The following SLC39A10 variants were observed in gnomAD, a reference collection of about 807,000 sequenced individuals.
SLC39A10 encodes solute carrier family 39 member 10.
SLC39A10 carries 13 observed loss-of-function variants against 65.1 expected under a neutral mutation model. The ratio of observed to expected loss-of-function variants is 0.20; its 90% CI spans 0.13 to 0.32. The LOEUF (loss-of-function observed/expected upper bound fraction) is 0.32, where lower values mean the gene tolerates loss of function less well. Ranked by LOEUF, SLC39A10 falls within the 10% of genes least tolerant of loss-of-function variation. SLC39A10 has a pLI of 1.00. For synonymous variants in SLC39A10, 321 were observed against 342.2 expected, an observed-to-expected ratio of 0.94 and a Z score of 0.68; for missense variants, 831 against 1,018.4, an observed-to-expected ratio of 0.82 and a Z score of 2.50.
At chr2:195,730,727 C>T (rs1426373971) in intron 9 of SLC39A10, among the ~76,000 whole-genome samples, 1 of 152,180 alleles carries the variant, frequency 6.6e-6, no homozygotes, top group African/African-American at 2.4e-5. Context: ...TCCAACTGTA[C>T]TTGAATGTCT....
chr2:195,719,618 T>G (rs942594964), intron 8 of SLC39A10, among the ~76,000 whole-genome samples: 1 of 147,840 alleles, frequency 6.8e-6, no homozygotes, highest in African/African-American at 2.5e-5. Context: ...TTAACTTTCT[T>G]TTTTTTTTTT....
chr2:195,642,342 G>A (rs1388634265), intron 2 of SLC39A10, among the ~76,000 whole-genome samples: 1 of 152,192 alleles, frequency 6.6e-6, no homozygotes, highest in Non-Finnish European at 1.5e-5. Context: ...AACTGTAAGA[G>A]AATCTGTAAG....
intron 7 of SLC39A10, chr2:195,717,372 CA>C (rs74591788): frequency 3.5e-3 from 540 of 154,528 alleles, no homozygotes; most frequent in South Asian, 5.3e-3. Context: ...TTTGAAAAAG[CA>C]AAAAAAAAAA....
At chr2:195,661,221 T>G (rs1239293643) in intron 1 of SLC39A10, among the ~76,000 whole-genome samples, 1 of 152,164 alleles carries the variant, frequency 6.6e-6, no homozygotes, top group African/African-American at 2.4e-5. Flanking sequence ...TATTGCAATA[T>G]CAGTATTTCA....
chr2:195,627,270 C>G (rs534486779), intron 2 of SLC39A10, among the ~76,000 whole-genome samples: 1 of 152,138 alleles, frequency 6.6e-6, no homozygotes, highest in Admixed American at 6.6e-5. Flanking sequence ...CAAAATGACA[C>G]CCCCACCCCG....
chr2:195,632,290 C>CTTTTTT lies in SLC39A10; in HGVS notation c.-12+26079_-12+26084dup, dbSNP rs202193660. Among the ~76,000 whole-genome samples the CTTTTTT allele has an allele frequency of 9.5e-4, 66 of 69,254 alleles. 13 individuals are homozygous for CTTTTTT. The highest frequency in any genetic ancestry group is 3.9e-3 in the African/African-American group (62 of 15,970). 45.4% of individuals were successfully genotyped at this position (69,254 alleles called of 152,430 possible). ...AGGTCACCAGCTCTCATTCTACTTC[C>CTTTTTT]TTTTTTTTTTTTTTTTTTTTTTTTT... On this transcript the variant is annotated intron_variant, in intron 2 of 2. Coordinates refer to the SLC39A10 transcript ENST00000458054.
intron 2 of SLC39A10, among the ~76,000 whole-genome samples, chr2:195,643,509 T>C (rs1688850461): frequency 6.6e-6 from 1 of 152,246 alleles, no homozygotes; most frequent in Non-Finnish European, 1.5e-5. Context: ...TATGTTTATA[T>C]ATTTAAATCA....
Position 195,735,972 on chromosome 2 carries a change from CT to C in SLC39A10, c.*932del, listed in dbSNP as rs1462263302. 6.6e-6 allele frequency: 1 copy of C among 152,202 alleles called. No homozygotes were observed. The highest frequency in any genetic ancestry group is 2.4e-5 in the African/African-American group (1 of 41,376). The allele number at this position is 152,202 out of a possible 1,614,324, so 9.4% of individuals were successfully genotyped here. A position where few individuals can be genotyped will look rare whatever the true frequency, so the allele number is the denominator to read the frequency against. On this transcript the variant is annotated 3_prime_UTR_variant, in exon 10 of 10. Transcript: ENST00000359634. The stretch of plus-strand genomic sequence containing the variant: ...ACTAGTTAATTGGGAAATGTAAGTT[CT>C]GAATGTTCACATTGCTTTACCAGTT...
Position 195,735,622 on chromosome 2 carries a change from A to T in SLC39A10, c.*581A>T, listed in dbSNP as rs1404954193. ...GAAAAGCCCTTATTCTTGAATCTAG[A>T]GTTACTATTTTTGTATATATTTGCA... On this transcript the variant is annotated 3_prime_UTR_variant, in exon 10 of 10. Coordinates refer to ENST00000359634, the MANE Select transcript of SLC39A10 (RefSeq NM_020342.3). 6.6e-6 allele frequency: 1 copy of T among 152,554 alleles called. No homozygotes were observed. Among genetic ancestry groups the T allele is most frequent in the African/African-American group, 2.4e-5 (1 of 41,422 alleles). The allele number at this position is 152,554 out of a possible 1,614,324, so 9.5% of individuals were successfully genotyped here. A position where few individuals can be genotyped will look rare whatever the true frequency, so the allele number is the denominator to read the frequency against.
At chr2:195,671,354 T>C (rs551309449) in intron 1 of SLC39A10, among the ~76,000 whole-genome samples, 2 of 152,310 alleles carry the variant, frequency 1.3e-5, no homozygotes, top group South Asian at 4.1e-4. Flanking sequence ...AAAATAAATT[T>C]GTTGTGGCAC....
At chr2:195,670,119 A>G (rs370403827) in intron 1 of SLC39A10, among the ~76,000 whole-genome samples, 34 of 152,308 alleles carry the variant, frequency 2.2e-4, no homozygotes, top group African/African-American at 7.9e-4. Context: ...AGATCATGCC[A>G]CTGCACTCCA....
intron 3 of SLC39A10, among the ~76,000 whole-genome samples, chr2:195,694,833 A>C (rs1320137804): frequency 6.6e-6 from 1 of 152,088 alleles, no homozygotes; most frequent in Non-Finnish European, 1.5e-5. Flanking sequence ...ATGTCCTTTT[A>C]TTGCGGACTT....
intron 1 of SLC39A10, among the ~76,000 whole-genome samples, chr2:195,679,754 A>G (rs1454136501): frequency 1.3e-5 from 2 of 152,110 alleles, no homozygotes; most frequent in Non-Finnish European, 2.9e-5. Context: ...TTTTCTAATT[A>G]TTGCTGATAT....
upstream of SLC39A10, chr2:195,657,081 A>G (rs991043188): frequency 6.6e-6 from 1 of 152,352 alleles, no homozygotes; most frequent in African/African-American, 2.4e-5. Flanking sequence ...GTGTACGCCC[A>G]TAGCGTAGCA....
At chr2:195,635,244 G>A (rs953065099) in intron 2 of SLC39A10, among the ~76,000 whole-genome samples, 4 of 152,166 alleles carry the variant, frequency 2.6e-5, no homozygotes, top group African/African-American at 7.2e-5. Flanking sequence ...TCACTTCCAC[G>A]TATCTTGTTA....
At chr2:195,724,577 G>T (rs1285481449) in intron 8 of SLC39A10, among the ~76,000 whole-genome samples, 1 of 151,958 alleles carries the variant, frequency 6.6e-6, no homozygotes, top group Non-Finnish European at 1.5e-5. Flanking sequence ...TTTTTAAAAG[G>T]ATCTACTTAT....
At chr2:195,622,308 G>T (rs1013777506) in intron 2 of SLC39A10, among the ~76,000 whole-genome samples, 3 of 152,102 alleles carry the variant, frequency 2.0e-5, no homozygotes, top group Non-Finnish European at 4.4e-5. Flanking sequence ...CAAGGCTGCA[G>T]TGAGCCATGA....
intron 2 of SLC39A10, among the ~76,000 whole-genome samples, chr2:195,644,979 G>A (rs1473796209): frequency 6.6e-6 from 1 of 151,354 alleles, no homozygotes; most frequent in African/African-American, 2.4e-5. Flanking sequence ...GCGTGATCTC[G>A]GCTCACCGCA....
chr2:195,641,146 C>T, intron 2 of SLC39A10, among the ~76,000 whole-genome samples: 1 of 152,172 alleles, frequency 6.6e-6, no homozygotes, highest in East Asian at 1.9e-4. Flanking sequence ...CAGTGCAAAC[C>T]TTGTGCTGTG....
Sources: allele counts gnomAD v4.1 joint callset (sites outside exome capture counted in the v4.1 genomes callset), GRCh38; gene constraint gnomAD v4.1.1; transcripts MANE v1.5; gene names NCBI Gene and HGNC (gene_info 2026-07-23, HGNC 2026-07-21).